The following SEPTIN6 variants were observed in gnomAD, a reference collection of about 807,000 sequenced individuals.
SEPTIN6 encodes the protein septin 6, also known as septin-6.
In SEPTIN6, 8 loss-of-function variants were observed where a neutral mutation model predicts 33.6. The ratio of observed to expected loss-of-function variants is 0.24; its 90% confidence interval spans 0.14 to 0.43. The LOEUF (loss-of-function observed/expected upper bound fraction) is 0.43, where lower values mean the gene tolerates loss of function less well. Among genes scored for constraint, SEPTIN6 ranks in the 20% least tolerant of loss-of-function variants. The pLI is 1.00. For missense variants in SEPTIN6, 250 were observed against 340.8 expected, an observed-to-expected ratio of 0.73 and a Z score of 2.10; for synonymous variants, 131 against 140.0, an observed-to-expected ratio of 0.94 and a Z score of 0.45.
intron 2 of SEPTIN6, among the ~76,000 whole-genome samples, chrX:119,666,126 G>C (rs1417239319): frequency 9.1e-6 from 1 of 110,048 alleles, no homozygotes; most frequent in Non-Finnish European, 1.9e-5. Context: ...ACTTCGAAGA[G>C]AGGATATCAT....
At position 119,660,251 on chromosome X, in the gene SEPTIN6, T is replaced by G. The variant is rs2054515426; in HGVS notation, c.341+3231A>C. 1.8e-5 allele frequency among the ~76,000 whole-genome samples: 2 copies of G among 112,266 alleles called. 1 individual carries two copies. Among genetic ancestry groups the G allele is most frequent in the African/African-American group, 6.5e-5 (2 of 30,854 alleles). The stretch of plus-strand genomic sequence containing the variant: ...CTCTTCCTAGTTTATGCATGAGCCC[T>G]TGTAAAGCGGGATATTCTAATGCCT... On this transcript the variant is annotated intron_variant, in intron 3 of 10. Coordinates refer to ENST00000394610, the MANE Select transcript of SEPTIN6 (RefSeq NM_145799.4).
chrX:119,689,956 C>A (rs779630959), intron 1 of SEPTIN6, among the ~76,000 whole-genome samples: 1 of 111,358 alleles, frequency 9.0e-6, no homozygotes, highest in East Asian at 2.8e-4. Context: ...GTCTCGAACT[C>A]CTGACCTCAT....
intron 1 of SEPTIN6, 112 bp downstream of exon 1, chrX:119,692,964 G>T: frequency 1.2e-6 from 1 of 803,224 alleles, no homozygotes; most frequent in Non-Finnish European, 1.8e-6. Flanking sequence ...CCGTGCCCTT[G>T]GCTCCTGGAT....
intron 8 of SEPTIN6, 68 bp downstream of exon 8, chrX:119,633,292 A>G (rs2053999843): frequency 9.5e-7 from 1 of 1,051,215 alleles, no homozygotes. Flanking sequence ...AAGCGTTCCT[A>G]TTTTTCCACA....
intron 10 of SEPTIN6, among the ~76,000 whole-genome samples, chrX:119,620,888 C>G (rs2053747150): frequency 9.0e-6 from 1 of 111,399 alleles, no homozygotes; most frequent in African/African-American, 3.3e-5. Flanking sequence ...TCCCAAAGTG[C>G]TGGGATTACT....
chrX:119,664,633 G>C (rs2054602990), intron 2 of SEPTIN6, among the ~76,000 whole-genome samples: 1 of 108,905 alleles, frequency 9.2e-6, no homozygotes, highest in South Asian at 4.0e-4. Context: ...TTCGAGACCA[G>C]CCTGGCCAAC....
intron 2 of SEPTIN6, among the ~76,000 whole-genome samples, chrX:119,664,364 G>C (rs1238558395): frequency 9.0e-6 from 1 of 111,693 alleles, no homozygotes; most frequent in Non-Finnish European, 1.9e-5. Context: ...TAGAAAAAAA[G>C]ACTGGGAGGA....
At chrX:119,691,981 C>A (rs904855704) in intron 1 of SEPTIN6, among the ~76,000 whole-genome samples, 2 of 111,460 alleles carry the variant, frequency 1.8e-5, no homozygotes, top group Non-Finnish European at 3.8e-5. Context: ...GTGTCCCCCC[C>A]AAATGGAATT....
chrX:119,649,487 TA>T (rs550577767), intron 5 of SEPTIN6, among the ~76,000 whole-genome samples: 4,772 of 81,047 alleles, frequency 0.059, 148 homozygotes, highest in South Asian at 0.14. Flanking sequence ...GATCCTGTCT[TA>T]AAAAAAAAAA....
chrX:119,622,673 T>G lies in SEPTIN6; in HGVS notation c.*42-2622A>C, dbSNP rs2053789430. ...TAACAATGATTTACTTGGGGAAACCTGTAAGCAACTGTGTCAAGCCACGTG... is the reference window on the plus strand; with the variant it reads ...TAACAATGATTTACTTGGGGAAACCGGTAAGCAACTGTGTCAAGCCACGTG... On this transcript the variant is annotated intron_variant, in intron 10 of 10. Coordinates refer to ENST00000394610, the MANE Select transcript of SEPTIN6 (RefSeq NM_145799.4). 2.7e-5 allele frequency among the ~76,000 whole-genome samples: 3 copies of G among 112,555 alleles called. No individual in the cohort carries two copies. The South Asian group carries it at 1.1e-3, about 41-fold the overall frequency.
chrX:119,646,684 A>G (rs2054262534), intron 5 of SEPTIN6: 1 of 163,835 alleles, frequency 6.1e-6, no homozygotes, highest in Admixed American at 6.0e-5. Context: ...GAGACAGGAC[A>G]TTGTACAGTC....
rs776101667 is a variant in SEPTIN6, at chrX:119,642,014, A to G, written c.691-1226T>C. Among the ~76,000 whole-genome samples the G allele has an allele frequency of 3.8e-4, 42 of 111,006 alleles. 1 individual carries two copies. The highest frequency in any genetic ancestry group is 1.2e-3 in the Admixed American group (12 of 10,423). On this transcript the variant is annotated intron_variant, in intron 5 of 10. Transcript: ENST00000394610. ...CATTAAGAATGACGTAATAGCAAAAAAGCACAGACCCTGGCCCCGGAGAGT... is the reference window on the plus strand; with the variant it reads ...CATTAAGAATGACGTAATAGCAAAAGAGCACAGACCCTGGCCCCGGAGAGT...
At chrX:119,668,698 AT>A (rs1258043080) in intron 2 of SEPTIN6, among the ~76,000 whole-genome samples, 1 of 111,827 alleles carries the variant, frequency 8.9e-6, no homozygotes, top group Non-Finnish European at 1.9e-5. Flanking sequence ...CATGCCTGTA[AT>A]CCCAGCACTT....
chrX:119,631,531 G>A (rs747934749), intron 8 of SEPTIN6, among the ~76,000 whole-genome samples: 20 of 110,901 alleles, frequency 1.8e-4, no homozygotes, highest in Non-Finnish European at 3.4e-4. Context: ...CCTTAACCTG[G>A]TTTTTGTTTG....
At chrX:119,687,401 C>T (rs1464310233) in intron 1 of SEPTIN6, among the ~76,000 whole-genome samples, 1 of 109,869 alleles carries the variant, frequency 9.1e-6, no homozygotes, top group Non-Finnish European at 1.9e-5. Flanking sequence ...CAGGCACCCG[C>T]CACCACGCCC....
chrX:119,666,247 C>T (rs924678342), intron 2 of SEPTIN6, among the ~76,000 whole-genome samples: 1 of 112,050 alleles, frequency 8.9e-6, no homozygotes, highest in Non-Finnish European at 1.9e-5. Flanking sequence ...ATGTGAGCCT[C>T]GACTTCTCTT....
intron 2 of SEPTIN6, among the ~76,000 whole-genome samples, chrX:119,673,625 G>A (rs1283005940): frequency 5.5e-5 from 6 of 109,977 alleles, no homozygotes; most frequent in Admixed American, 2.0e-4. Context: ...CCAGAAGTTT[G>A]GGAGGCCGAG....
intron 5 of SEPTIN6, among the ~76,000 whole-genome samples, chrX:119,644,012 G>A (rs1024560171): frequency 4.8e-5 from 5 of 105,068 alleles, no homozygotes; most frequent in Non-Finnish European, 7.9e-5. Context: ...CCCTCCCCCC[G>A]CACCACCACG....
chrX:119,640,861 T>C lies in SEPTIN6; in HGVS notation c.691-73A>G. 4 of 945,522 alleles carry C rather than the reference T, an allele frequency of 4.2e-6. No individual in the cohort carries two copies. The South Asian group carries it at 8.2e-5, about 19-fold the overall frequency. The allele number at this position is 945,522 out of a possible 1,213,427, so 77.9% of individuals were successfully genotyped here. On this transcript the variant is annotated intron_variant, in intron 5 of 10. Transcript: ENST00000394610. Reference sequence around the variant, plus strand: ...TGAGTGTTACACAACCCAACTGCTGTTCGTCTCTGGGGCCCCAGGCCCTCA... The same window carrying C: ...TGAGTGTTACACAACCCAACTGCTGCTCGTCTCTGGGGCCCCAGGCCCTCA...
Sources: gnomAD v4.1 joint callset for allele counts (sites outside exome capture counted in the v4.1 genomes callset) on GRCh38, gnomAD v4.1.1 for gene constraint, MANE v1.5 for transcripts, NCBI Gene and HGNC (gene_info 2026-07-23, HGNC 2026-07-21) for gene names.